The following CRBN variants were observed in gnomAD, a reference collection of about 807,000 sequenced individuals.
CRBN encodes cereblon, also known as protein cereblon.
In CRBN, 53 loss-of-function variants were observed where a neutral mutation model predicts 62.2. That is an observed-to-expected ratio of 0.85 (90% confidence interval 0.68 to 1.07). The LOEUF (loss-of-function observed/expected upper bound fraction) is 1.07, where lower values mean the gene tolerates loss of function less well. CRBN is among the 50% of genes least tolerant of loss of function. The pLI, the probability that CRBN is intolerant of heterozygous loss-of-function variation, is 0.00. For synonymous variants in CRBN, 208 were observed against 176.1 expected (o/e 1.18, Z -1.43); for missense variants, 616 against 531.1 (o/e 1.16, Z -1.57).
intron 1 of CRBN, among the ~76,000 whole-genome samples, chr3:3,178,342 C>A (rs1032951641): frequency 6.6e-6 from 1 of 152,190 alleles, no homozygotes; most frequent in Non-Finnish European, 1.5e-5. Context: ...CAGTCTCTTC[C>A]TCTTTTAATC....
chr3:3,149,977 G>GTAGA (rs1292412880), downstream of CRBN: 2 of 152,232 alleles, frequency 1.3e-5, no homozygotes, highest in East Asian at 1.9e-4. Context: ...AAAATTATGA[G>GTAGA]TAGATATTTT....
intron 4 of CRBN, among the ~76,000 whole-genome samples, chr3:3,170,664 G>A (rs548476456): frequency 6.6e-6 from 1 of 152,310 alleles, no homozygotes; most frequent in South Asian, 2.1e-4. Context: ...AGAAGTAGTG[G>A]AGCCAAGAGA....
intron 4 of CRBN, among the ~76,000 whole-genome samples, chr3:3,169,969 C>T (rs1013326540): frequency 1.3e-5 from 2 of 151,236 alleles, no homozygotes; most frequent in African/African-American, 4.9e-5. Context: ...ACACTCATGA[C>T]TTTGGGGGTT....
Position 3,172,935 on chromosome 3 carries a change from A to C in CRBN, c.378-10T>G. The C allele has an allele frequency of 6.2e-7, 1 of 1,612,276 alleles. No individual in the cohort carries two copies. The highest frequency in any genetic ancestry group is 1.1e-5 in the South Asian group (1 of 91,048). ...CCTTTCCTGTACATTGCTTCCAAGA[A>C]AATTTTAAAAGGAAAGAATTTTGAA... On this transcript the variant is annotated splice_polypyrimidine_tract_variant and intron_variant, in intron 3 of 10. Coordinates refer to ENST00000231948, the MANE Select transcript of CRBN (RefSeq NM_016302.4).
Position 3,154,253 on chromosome 3 carries a change from A to G in CRBN, c.836-178T>C, listed in dbSNP as rs142942248. The G allele has an allele frequency of 4.1e-3, 2,411 of 592,222 alleles. 11 individuals carry two copies. Among genetic ancestry groups the G allele is most frequent in the African/African-American group, 0.018 (940 of 53,632 alleles). The allele number at this position is 592,222 out of a possible 1,614,324, so 36.7% of individuals were successfully genotyped here. ...AAAGATACACTTTTCAGAAGCTCTAAATTTAATTGCTTTTCTTATACTTTT... is the reference window on the plus strand; with the variant it reads ...AAAGATACACTTTTCAGAAGCTCTAGATTTAATTGCTTTTCTTATACTTTT... On this transcript the variant is annotated intron_variant, in intron 7 of 10. Coordinates refer to ENST00000231948, the MANE Select transcript of CRBN (RefSeq NM_016302.4).
In CRBN at chr3:3,152,295, G is replaced by A. The variant is rs61638978; in HGVS notation, c.1148+161C>T. ...AGCATCCCGAGCAGCTGGGAGTACA[G>A]ACCCCTGCCCCCATACCCGGCTAAT... On this transcript the variant is annotated intron_variant, in intron 10 of 10. Coordinates refer to ENST00000231948, the MANE Select transcript of CRBN (RefSeq NM_016302.4). Among the ~76,000 whole-genome samples the A allele has an allele frequency of 3.2e-3, 490 of 151,882 alleles. 2 individuals are homozygous for A. Among genetic ancestry groups the A allele is most frequent in the African/African-American group, 0.011 (466 of 41,410 alleles).
chr3:3,158,170 A>C (rs1277338106), intron 5 of CRBN, among the ~76,000 whole-genome samples: 1 of 152,186 alleles, frequency 6.6e-6, no homozygotes, highest in African/African-American at 2.4e-5. Flanking sequence ...AGTGCATTAC[A>C]TTTATCATTA....
chr3:3,172,615 G>T, intron 4 of CRBN, 161 bp downstream of exon 4: 1 of 689,216 alleles, frequency 1.5e-6, no homozygotes, highest in Non-Finnish European at 2.5e-6. Flanking sequence ...TGATTCTGAT[G>T]CATAGCAAGG....
In CRBN at chr3:3,172,802, G is replaced by A. The variant is rs769226825; in HGVS notation, c.501C>T (p.Val167=). ...CATCTGACTGTGTTCTTAGCTCAAG[G>A]ACTTTGAACCTTTGTCTTCCAATTG... The part of the protein sequence containing the change: ...VKAIGRQRFK[V]LELRTQSDGI... Residue 167 remains valine (V), a synonymous_variant, in exon 4 of 11, where the codon GTC becomes GTT. Coordinates refer to ENST00000231948, the MANE Select transcript of CRBN (RefSeq NM_016302.4). 1 of 1,613,922 alleles carries A rather than the reference G, an allele frequency of 6.2e-7. No individual in the cohort carries two copies. Among genetic ancestry groups the A allele is most frequent in the South Asian group, 1.1e-5 (1 of 91,078 alleles).
intron 6 of CRBN, chr3:3,155,123 C>G: frequency 2.4e-6 from 1 of 411,792 alleles, no homozygotes; most frequent in Non-Finnish European, 4.4e-6. Context: ...ACTGGCCTCT[C>G]TTCTGCCTTC....
chr3:3,156,449 T>C (rs962576444), intron 5 of CRBN, 168 bp from the exon 6 acceptor site: 8 of 629,972 alleles, frequency 1.3e-5, no homozygotes, highest in Non-Finnish European at 2.3e-5. Context: ...AAGTGTGAAA[T>C]CATGCTTCCT....
intron 5 of CRBN, chr3:3,156,829 C>T (rs1672767): frequency 0.54 from 83,816 of 153,946 alleles, 24,576 homozygotes; most frequent in Middle Eastern, 0.72. Flanking sequence ...TATTTATCAC[C>T]TCTAATTGTA....
At position 3,173,993 on chromosome 3, in the gene CRBN, C is replaced by A. The variant is rs6802596; in HGVS notation, c.377+66G>T. The A allele has an allele frequency of 2.8e-3, 3,755 of 1,362,178 alleles. 88 individuals carry two copies. The African/African-American group carries it at 0.048, about 17-fold the overall frequency. The allele number at this position is 1,362,178 out of a possible 1,614,324, so 84.4% of individuals were successfully genotyped here. A position where few individuals can be genotyped will look rare whatever the true frequency, so the allele number is the denominator to read the frequency against. On this transcript the variant is annotated intron_variant, in intron 3 of 10. Transcript: ENST00000231948. ...GCGAAATAACAGCCTGCTTTGGCTT[C>A]AACACTGACCACTGCAATTACCCAT...
chr3:3,168,729 T>C (rs149432743), intron 4 of CRBN, among the ~76,000 whole-genome samples: 1 of 152,290 alleles, frequency 6.6e-6, no homozygotes, highest in Non-Finnish European at 1.5e-5. Context: ...TACTTATTTA[T>C]TAGAAGGAAA....
At position 3,150,745 on chromosome 3, in the gene CRBN, TTA is replaced by T. The variant is rs527646628; in HGVS notation, c.*118_*119del. ...AGAAACTGCAACCCTCCAAGTAATG[TTA>T]TGTTTACTTAGGTATTAATGTTATG... On this transcript the variant is annotated 3_prime_UTR_variant, in exon 11 of 11. Coordinates refer to ENST00000231948, the MANE Select transcript of CRBN (RefSeq NM_016302.4). The T allele has an allele frequency of 8.3e-5, 79 of 956,698 alleles. No homozygotes were observed. In the African/African-American group the frequency reaches 1.2e-3, roughly 14 times the overall value. 59.3% of individuals were successfully genotyped at this position (956,698 alleles called of 1,614,324 possible).
intron 9 of CRBN, chr3:3,153,100 A>C (rs1420909710): frequency 6.2e-6 from 2 of 321,886 alleles, no homozygotes; most frequent in African/African-American, 4.3e-5. Flanking sequence ...GATGACTGAA[A>C]TGTAATTTCT....
At position 3,150,610 on chromosome 3, in the gene CRBN, C is replaced by T; in HGVS notation, c.*255G>A. The T allele has an allele frequency of 1.0e-5, 4 of 401,928 alleles. No individual in the cohort carries two copies. The highest frequency in any genetic ancestry group is 7.3e-5 in the South Asian group (3 of 41,144). The allele number at this position is 401,928 out of a possible 1,614,324, so 24.9% of individuals were successfully genotyped here. On this transcript the variant is annotated 3_prime_UTR_variant, in exon 11 of 11. Coordinates refer to ENST00000231948, the MANE Select transcript of CRBN (RefSeq NM_016302.4). ...GACATGCTACCAGACATATCAGATT[C>T]CACAGGATAATGGCACCAAGCTACC... is the stretch of plus-strand genomic sequence containing the variant.
intron 5 of CRBN, among the ~76,000 whole-genome samples, chr3:3,157,650 T>C (rs905064419): frequency 1.3e-5 from 2 of 151,992 alleles, no homozygotes; most frequent in African/African-American, 2.4e-5. Flanking sequence ...ACAGCACACA[T>C]AAAAGGGACT....
chr3:3,156,308 A>G, intron 5 of CRBN, 27 bp from the exon 6 acceptor site: 2 of 1,597,044 alleles, frequency 1.3e-6, no homozygotes, highest in Non-Finnish European at 1.7e-6. Flanking sequence ...AAGGCACTTA[A>G]AAAACCCCAC....
Sources: allele counts gnomAD v4.1 joint callset (sites outside exome capture counted in the v4.1 genomes callset), GRCh38; gene constraint gnomAD v4.1.1; transcripts MANE v1.5; gene names NCBI Gene and HGNC (gene_info 2026-07-23, HGNC 2026-07-21).